Variants in ACACB observed in about 807,000 individuals in gnomAD.
ACACB encodes acetyl-CoA carboxylase 2.
Under a neutral mutation model 278.8 loss-of-function variants are expected in ACACB, and 209 were observed. The observed-to-expected ratio is 0.75, with a 90% confidence interval of 0.67 to 0.84. The LOEUF (loss-of-function observed/expected upper bound fraction) is 0.84. Ranked by LOEUF, ACACB falls within the 40% of genes least tolerant of loss-of-function variation. The probability of loss-of-function intolerance (pLI) is 0.00; values close to 1 mark genes in which losing one functional copy is unlikely to be tolerated. For missense variants in ACACB, 2,850 were observed against 3,269.0 expected (o/e 0.87, Z 3.13); for synonymous variants, 1,174 against 1,285.6 (o/e 0.91, Z 1.86).
intron 12 of ACACB, 135 bp downstream of exon 12, chr12:109,185,875 G>A (rs746291185): frequency 1.3e-6 from 1 of 743,920 alleles, no homozygotes; most frequent in Non-Finnish European, 2.1e-6. Context: ...ACTGAGGCAT[G>A]GGAAGGGACA....
intron 1 of ACACB, among the ~76,000 whole-genome samples, chr12:109,130,681 G>A (rs2042801685): frequency 6.6e-6 from 1 of 152,202 alleles, no homozygotes; most frequent in African/African-American, 2.4e-5. Flanking sequence ...TGCAGGTGAA[G>A]GTGTCCACCA....
Position 109,227,389 on chromosome 12 carries a change from TA to T in ACACB, c.3902del (p.Tyr1301SerfsTer6). 1 of 1,612,650 alleles carries T rather than the reference TA, an allele frequency of 6.2e-7. No homozygotes were observed. The highest frequency in any genetic ancestry group is 8.5e-7 in the Non-Finnish European group (1 of 1,179,394). On this transcript the variant is annotated frameshift_variant, in exon 28 of 53. Transcript: ENST00000338432. LOFTEE classifies it high-confidence loss of function. ...TTGTCAGGTTTACGTGCGGAGGGGC[TA>T]CATCGCCTATGAGTTAAACAGCCTG... The part of the protein sequence containing the change: ...ASLEVYVRRG[Y>X]IAYELNSLQH...
chr12:109,222,744 G>T (rs1289178392), intron 25 of ACACB, 55 bp from the exon 26 acceptor site: 22 of 1,565,646 alleles, frequency 1.4e-5, no homozygotes, highest in Middle Eastern at 1.7e-4. Flanking sequence ...CCGAGCCTCT[G>T]CCTTCTGCCC....
chr12:109,209,946 C>T lies in ACACB; in HGVS notation c.3249+593C>T, dbSNP rs573190980. Among the ~76,000 whole-genome samples the T allele has an allele frequency of 4.9e-3, 344 of 70,848 alleles. 69 individuals are homozygous for T. Among genetic ancestry groups the T allele is most frequent in the African/African-American group, 0.014 (205 of 14,540 alleles). 46.5% of individuals were successfully genotyped at this position (70,848 alleles called of 152,430 possible). On this transcript the variant is annotated intron_variant, in intron 21 of 52. Coordinates refer to ENST00000338432, the MANE Select transcript of ACACB (RefSeq NM_001093.4). ...ATATGTGTATACACACATACACACA[C>T]GTGTGTGTATATATGTGTATACACA... is the stretch of plus-strand genomic sequence containing the variant.
intron 2 of ACACB, among the ~76,000 whole-genome samples, chr12:109,151,599 G>T (rs7955252): frequency 0.016 from 2,477 of 152,260 alleles, 88 homozygotes; most frequent in African/African-American, 0.057. Context: ...TGAGGGGAAG[G>T]GTAAGTTCAA....
At chr12:109,194,251 A>AGT (rs1457481308) in intron 16 of ACACB, among the ~76,000 whole-genome samples, 2 of 152,102 alleles carry the variant, frequency 1.3e-5, no homozygotes, top group African/African-American at 4.8e-5. Flanking sequence ...GCTGGAGTGC[A>AGT]GTGGCTCAAC....
At chr12:109,111,703 G>A (rs554795388), upstream of ACACB, among the ~76,000 whole-genome samples, 3 of 152,044 alleles carry the variant, frequency 2.0e-5, no homozygotes, top group South Asian at 6.2e-4. Flanking sequence ...TTACGAGCAT[G>A]CACTACCACG....
intron 44 of ACACB, among the ~76,000 whole-genome samples, chr12:109,254,714 CTCTT>C (rs2047180273): frequency 6.6e-6 from 1 of 151,582 alleles, no homozygotes; most frequent in Non-Finnish European, 1.5e-5. Flanking sequence ...CTGCATCTTT[CTCTT>C]TCTTTCTCTC....
intron 35 of ACACB, 82 bp downstream of exon 35, chr12:109,240,067 A>T (rs2046750854): frequency 2.7e-6 from 4 of 1,488,844 alleles, no homozygotes; most frequent in Non-Finnish European, 3.6e-6. Context: ...GTCTCTTGCC[A>T]CTCAAGACCT....
chr12:109,182,379 T>C (rs1330163863), intron 11 of ACACB, among the ~76,000 whole-genome samples: 2 of 152,176 alleles, frequency 1.3e-5, no homozygotes, highest in Non-Finnish European at 1.5e-5. Flanking sequence ...GCTTCTTTTT[T>C]GTTTTTGAGC....
At chr12:109,265,626 C>G (rs779799165) in intron 52 of ACACB, 101 bp downstream of exon 52, 71 of 1,434,650 alleles carry the variant, frequency 4.9e-5, no homozygotes, top group Non-Finnish European at 6.6e-5. Context: ...GAACCCGCCA[C>G]CCTGTGCAGT....
chr12:109,176,406 C>G, intron 9 of ACACB, 143 bp downstream of exon 9: 2 of 739,548 alleles, frequency 2.7e-6, no homozygotes, highest in Non-Finnish European at 4.5e-6. Context: ...TATTTTGCAA[C>G]AAACGCGTAC....
In ACACB at chr12:109,212,919, C is replaced by T. The variant is rs202134344; in HGVS notation, c.3333C>T (p.Ile1111=). The T allele has an allele frequency of 5.6e-6, 9 of 1,614,080 alleles. No homozygotes were observed. The highest frequency in any genetic ancestry group is 3.3e-5 in the Admixed American group (2 of 60,016). Residue 1111 remains isoleucine (I), a synonymous_variant, in exon 22 of 53, where the codon ATC becomes ATT. Transcript: ENST00000338432. ...REVFFINTQS[I]VQLVQRYRSG... is the part of the protein sequence containing the mutation. ...TCTTCTTCATCAACACCCAGAGCAT[C>T]GTGCAGTTGGTCCAGAGGTGAATCC...
At chr12:109,238,560 A>G (rs995764038) in intron 34 of ACACB, among the ~76,000 whole-genome samples, 29 of 145,856 alleles carry the variant, frequency 2.0e-4, no homozygotes, top group African/African-American at 7.0e-4. Flanking sequence ...ATATATAATT[A>G]TTATATATAT....
intron 2 of ACACB, among the ~76,000 whole-genome samples, chr12:109,152,245 G>T (rs1004917490): frequency 3.3e-5 from 5 of 152,142 alleles, no homozygotes; most frequent in African/African-American, 1.2e-4. Flanking sequence ...ACTTTGGTAG[G>T]GTTGGGGTAT....
chr12:109,120,272 A>G (rs1593346372), intron 1 of ACACB, among the ~76,000 whole-genome samples: 1 of 152,356 alleles, frequency 6.6e-6, no homozygotes, highest in East Asian at 1.9e-4. Context: ...CCTGTGGTTT[A>G]CAGCAGGACT....
At chr12:109,218,800 A>C (rs2046080901) in intron 24 of ACACB, among the ~76,000 whole-genome samples, 2 of 138,348 alleles carry the variant, frequency 1.4e-5, no homozygotes, top group African/African-American at 2.7e-5. Flanking sequence ...GCAGAGTCTC[A>C]CTCTATCCCC....
At chr12:109,183,089 G>A (rs2044535558) in intron 11 of ACACB, among the ~76,000 whole-genome samples, 1 of 152,180 alleles carries the variant, frequency 6.6e-6, no homozygotes, top group Admixed American at 6.5e-5. Context: ...TCAGTTCACT[G>A]TAGATGTATG....
chr12:109,155,232 C>A (rs879397651), intron 2 of ACACB, among the ~76,000 whole-genome samples: 1 of 152,136 alleles, frequency 6.6e-6, no homozygotes, highest in African/African-American at 2.4e-5. Flanking sequence ...CAGGGGCACG[C>A]CTTCCCCGCT....
Sources: allele counts gnomAD v4.1 joint callset (sites outside exome capture counted in the v4.1 genomes callset), GRCh38; gene constraint gnomAD v4.1.1; transcripts MANE v1.5; gene names NCBI Gene and HGNC (gene_info 2026-07-23, HGNC 2026-07-21).